PRKG1: variants seen among roughly 807,000 people sequenced by gnomAD.
PRKG1 encodes the protein cGMP-dependent protein kinase 1.
PRKG1 carries 35 observed loss-of-function variants against 88.1 expected under a neutral mutation model. The observed-to-expected ratio is 0.40, with a 90% CI of 0.30 to 0.53. The LOEUF is 0.53. Among genes scored for constraint, PRKG1 ranks in the 20% least tolerant of loss-of-function variants. The probability of loss-of-function intolerance (pLI) is 0.59; values close to 1 mark genes in which losing one functional copy is unlikely to be tolerated. For synonymous variants in PRKG1, 303 were observed against 292.5 expected (o/e 1.04, Z -0.37); for missense variants, 540 against 839.8 (o/e 0.64, Z 4.41).
At chr10:51,834,354 AG>A (rs1162875124) in intron 4 of PRKG1, among the ~76,000 whole-genome samples, 1 of 152,012 alleles carries the variant, frequency 6.6e-6, no homozygotes, top group Non-Finnish European at 1.5e-5. Flanking sequence ...AAAGTAAGGG[AG>A]GGGGGCAGGT....
intron 3 of PRKG1, among the ~76,000 whole-genome samples, chr10:51,596,381 C>T (rs1838448924): frequency 6.6e-6 from 1 of 152,158 alleles, no homozygotes; most frequent in Non-Finnish European, 1.5e-5. Context: ...AAGGGACACA[C>T]TTCATTTATT....
intron 9 of PRKG1, among the ~76,000 whole-genome samples, chr10:52,250,881 T>C (rs1458173347): frequency 6.6e-6 from 1 of 152,142 alleles, no homozygotes; most frequent in Non-Finnish European, 1.5e-5. Flanking sequence ...ACACCACTCA[T>C]ATAAGAAACT....
intron 1 of PRKG1, among the ~76,000 whole-genome samples, chr10:51,050,696 C>T (rs1843549757): frequency 6.6e-6 from 1 of 152,248 alleles, no homozygotes. Flanking sequence ...ACTGCTGTAT[C>T]ATATGGTAGT....
chr10:51,720,751 A>G (rs183031648), intron 3 of PRKG1, among the ~76,000 whole-genome samples: 2 of 152,292 alleles, frequency 1.3e-5, no homozygotes, highest in Admixed American at 1.3e-4. Flanking sequence ...AATATTTTAG[A>G]ACACACACTC....
At chr10:51,191,320 ACCAC>A (rs1261201583) in intron 2 of PRKG1, among the ~76,000 whole-genome samples, 7 of 151,646 alleles carry the variant, frequency 4.6e-5, no homozygotes, top group Non-Finnish European at 8.8e-5. Context: ...TTTTCTACTC[ACCAC>A]CTGCATAACT....
chr10:50,991,373 G>GAA lies in PRKG1; in HGVS notation c.-1_1dup. Reference sequence around the variant, plus strand: ...AAAAAGTTTCGCGGAGGGGCTCAGTGAAAAAATGAGCGAGCTAGAGGAAGA... The same window carrying GAA: ...AAAAAGTTTCGCGGAGGGGCTCAGTGAAAAAAAATGAGCGAGCTAGAGGAAGA... On this transcript the variant is annotated 5_prime_UTR_variant, in exon 1 of 18. Coordinates refer to the PRKG1 transcript ENST00000401604. This position sits in a 1 kb window ranked among gnomAD's most constrained non-coding sequence, Gnocchi z 4.5. 1 of 1,523,538 alleles carries GAA rather than the reference G, an allele frequency of 6.6e-7. No homozygotes were observed. Among genetic ancestry groups the GAA allele is most frequent in the African/African-American group, 1.4e-5 (1 of 69,544 alleles). The allele number at this position is 1,523,538 out of a possible 1,614,324, so 94.4% of individuals were successfully genotyped here.
At chr10:52,228,606 A>C (rs1483053152) in intron 9 of PRKG1, among the ~76,000 whole-genome samples, 2 of 152,220 alleles carry the variant, frequency 1.3e-5, no homozygotes, top group African/African-American at 4.8e-5. Flanking sequence ...TACCAAATGA[A>C]ATTATATGAA....
intron 3 of PRKG1, among the ~76,000 whole-genome samples, chr10:51,715,400 C>T (rs985384788): frequency 5.3e-5 from 8 of 152,120 alleles, no homozygotes; most frequent in Admixed American, 5.2e-4. Context: ...TTAAATAAAA[C>T]TCTGGACAGA....
At chr10:51,440,033 AC>A (rs576780257) in intron 2 of PRKG1, among the ~76,000 whole-genome samples, 185 of 152,048 alleles carry the variant, frequency 1.2e-3, no homozygotes, top group African/African-American at 4.1e-3. Context: ...ACTTGAAACT[AC>A]CCAGGATATA....
At chr10:51,075,635 C>T (rs1160648658) in intron 1 of PRKG1, among the ~76,000 whole-genome samples, 1 of 152,188 alleles carries the variant, frequency 6.6e-6, no homozygotes, top group African/African-American at 2.4e-5. Context: ...GAGGTGGTTG[C>T]TTGTTTCCAG....
At chr10:51,921,609 G>T (rs1489364213) in intron 5 of PRKG1, among the ~76,000 whole-genome samples, 1 of 152,066 alleles carries the variant, frequency 6.6e-6, no homozygotes, top group African/African-American at 2.4e-5. Context: ...TTTATGAAGA[G>T]TGTTTATCAT....
At chr10:51,967,585 C>T (rs1444448369) in intron 5 of PRKG1, among the ~76,000 whole-genome samples, 1 of 152,042 alleles carries the variant, frequency 6.6e-6, no homozygotes, top group African/African-American at 2.4e-5. Flanking sequence ...TTTCTAAACT[C>T]CAGAGCCATT....
chr10:51,464,833 G>A (rs1364106648), intron 2 of PRKG1, among the ~76,000 whole-genome samples: 1 of 145,850 alleles, frequency 6.9e-6, no homozygotes, highest in Admixed American at 6.9e-5. Context: ...GGAGCTTGCA[G>A]TGAGCCGAGA....
At chr10:51,081,398 G>A (rs1289950012) in intron 1 of PRKG1, among the ~76,000 whole-genome samples, 1 of 152,218 alleles carries the variant, frequency 6.6e-6, no homozygotes, top group Non-Finnish European at 1.5e-5. Context: ...AGTACTTTAT[G>A]GATGAAGACT....
At chr10:51,685,423 A>G (rs952972436) in intron 3 of PRKG1, among the ~76,000 whole-genome samples, 2 of 152,312 alleles carry the variant, frequency 1.3e-5, no homozygotes, top group Admixed American at 6.5e-5. Context: ...CATAGAACTC[A>G]TAAGTGGCAT....
At chr10:51,749,218 G>A (rs544731185) in intron 3 of PRKG1, among the ~76,000 whole-genome samples, 6 of 151,954 alleles carry the variant, frequency 3.9e-5, no homozygotes, top group Non-Finnish European at 7.4e-5. Context: ...AAATGCTTAA[G>A]TTTTTTTTTA....
chr10:51,115,372 CAT>C (rs57104400), intron 1 of PRKG1, among the ~76,000 whole-genome samples: 1 of 31,820 alleles, frequency 3.1e-5, no homozygotes, highest in Admixed American at 4.9e-4. Flanking sequence ...TTCCTTTAAA[CAT>C]ATATATATAT....
At chr10:51,423,930 A>G (rs1464924942) in intron 2 of PRKG1, among the ~76,000 whole-genome samples, 4 of 152,244 alleles carry the variant, frequency 2.6e-5, no homozygotes, top group African/African-American at 9.6e-5. Context: ...ATACTACCAT[A>G]TTATGTTTGC....
chr10:51,222,890 A>G (rs1324326242), intron 2 of PRKG1, among the ~76,000 whole-genome samples: 23 of 152,166 alleles, frequency 1.5e-4, no homozygotes, highest in Admixed American at 1.4e-3. Context: ...AGGTATACAT[A>G]TGTATACATT....
Sources: gnomAD v4.1 joint callset for allele counts (sites outside exome capture counted in the v4.1 genomes callset) on GRCh38, gnomAD v4.1.1 for gene constraint, Gnocchi (gnomAD v3.1) non-coding constraint, MANE v1.5 for transcripts, NCBI Gene and HGNC (gene_info 2026-07-23, HGNC 2026-07-21) for gene names.